CNTNAP5: variants seen among roughly 807,000 people sequenced by gnomAD.
CNTNAP5 encodes the protein contactin associated protein family member 5, also known as contactin-associated protein-like 5.
Under a neutral mutation model 150.2 loss-of-function variants are expected in CNTNAP5, and 72 were observed. The ratio of observed to expected loss-of-function variants is 0.48; its 90% CI spans 0.40 to 0.58. The LOEUF is 0.58. Among genes scored for constraint, CNTNAP5 ranks in the 20% least tolerant of loss-of-function variants. The pLI, the probability that CNTNAP5 is intolerant of heterozygous loss-of-function variation, is 0.00. For missense variants in CNTNAP5, 1,636 were observed against 1,626.2 expected (o/e 1.01, Z -0.10); for synonymous variants, 672 against 619.8 (o/e 1.08, Z -1.25).
At chr2:124,088,969 G>A (rs1488716922) in intron 1 of CNTNAP5, among the ~76,000 whole-genome samples, 1 of 152,130 alleles carries the variant, frequency 6.6e-6, no homozygotes, top group Non-Finnish European at 1.5e-5. Context: ...TTGTTAGATT[G>A]CTATTTCCCT....
In CNTNAP5 at chr2:124,747,403, C is replaced by T; in HGVS notation, c.2234+18C>T. 3 of 1,613,328 alleles carry T rather than the reference C, an allele frequency of 1.9e-6. No homozygotes were observed. Among genetic ancestry groups the T allele is most frequent in the Non-Finnish European group, 2.5e-6 (3 of 1,179,390 alleles). ...GATGAATGGTAATGAGAATCTCCAT[C>T]TTTCTGCAATTGTAGAGAAAGCACA... On this transcript the variant is annotated intron_variant, in intron 14 of 23. Transcript: ENST00000682447.
intron 19 of CNTNAP5, among the ~76,000 whole-genome samples, chr2:124,849,225 G>T (rs961604985): frequency 1.3e-5 from 2 of 152,104 alleles, no homozygotes; most frequent in Non-Finnish European, 2.9e-5. Flanking sequence ...ATTTATTAAA[G>T]AGGTTGTCCT....
At chr2:124,138,925 A>T (rs1684039521) in intron 1 of CNTNAP5, among the ~76,000 whole-genome samples, 1 of 152,044 alleles carries the variant, frequency 6.6e-6, no homozygotes, top group Non-Finnish European at 1.5e-5. Flanking sequence ...CAGCCTTTGC[A>T]TAATAAACGT....
At chr2:124,149,414 A>AAAC (rs1489410894) in intron 1 of CNTNAP5, among the ~76,000 whole-genome samples, 2 of 151,232 alleles carry the variant, frequency 1.3e-5, no homozygotes, top group Non-Finnish European at 2.9e-5. Context: ...AAAAAAAAAA[A>AAAC]AAAAAAAAAA....
intron 13 of CNTNAP5, among the ~76,000 whole-genome samples, chr2:124,718,814 G>A (rs746886688): frequency 2.6e-5 from 4 of 151,984 alleles, no homozygotes; most frequent in South Asian, 2.1e-4. Context: ...ATGTGGTGGC[G>A]CATGCCTGTA....
At chr2:124,450,556 CAAA>C (rs11299541) in intron 6 of CNTNAP5, among the ~76,000 whole-genome samples, 7 of 65,010 alleles carry the variant, frequency 1.1e-4, no homozygotes, top group South Asian at 7.2e-4. Flanking sequence ...AATCTGCTGT[CAAA>C]AAAAAAAAAA....
intron 1 of CNTNAP5, among the ~76,000 whole-genome samples, chr2:124,122,125 T>C (rs1573769288): frequency 6.6e-6 from 1 of 152,110 alleles, no homozygotes; most frequent in Admixed American, 6.5e-5. Flanking sequence ...TGCACAGTGG[T>C]CTTATTTCTT....
At position 124,578,945 on chromosome 2, in the gene CNTNAP5, C is replaced by A. The variant is rs187618560; in HGVS notation, c.1756+15622C>A. On this transcript the variant is annotated intron_variant, in intron 11 of 23. Coordinates refer to ENST00000682447, the MANE Select transcript of CNTNAP5 (RefSeq NM_001367498.1). Reference sequence around the variant, plus strand: ...ATGCCTCTATGAAAGATAGAAGTGACAAGGGAGTCTGTTGTGCACACTCAA... The same window carrying A: ...ATGCCTCTATGAAAGATAGAAGTGAAAAGGGAGTCTGTTGTGCACACTCAA... Among the ~76,000 whole-genome samples the A allele has an allele frequency of 7.2e-4, 109 of 151,976 alleles. 1 individual carries two copies. The South Asian group carries it at 9.8e-3, about 14-fold the overall frequency.
At chr2:124,361,340 C>T (rs530198609) in intron 3 of CNTNAP5, among the ~76,000 whole-genome samples, 3 of 144,802 alleles carry the variant, frequency 2.1e-5, no homozygotes, top group South Asian at 2.2e-4. Flanking sequence ...AGCTTTGTTC[C>T]GTTGCTGGTG....
At chr2:124,257,872 GCTGA>G (rs1170037168) in intron 3 of CNTNAP5, among the ~76,000 whole-genome samples, 1 of 152,044 alleles carries the variant, frequency 6.6e-6, no homozygotes, top group Non-Finnish European at 1.5e-5. Context: ...ATAGTAACTT[GCTGA>G]CTATTTGCCC....
chr2:124,338,024 T>C (rs936402168), intron 3 of CNTNAP5, among the ~76,000 whole-genome samples: 1 of 152,198 alleles, frequency 6.6e-6, no homozygotes, highest in Non-Finnish European at 1.5e-5. Context: ...CATTTGTTTG[T>C]ATCCTCTTTT....
intron 11 of CNTNAP5, among the ~76,000 whole-genome samples, chr2:124,594,264 T>C (rs1696769763): frequency 7.5e-6 from 1 of 134,166 alleles, no homozygotes; most frequent in Non-Finnish European, 1.6e-5. Flanking sequence ...GTTTTTATGG[T>C]TTTAGGTCTA....
chr2:124,520,492 G>T (rs1694825956), intron 8 of CNTNAP5, among the ~76,000 whole-genome samples: 2 of 152,156 alleles, frequency 1.3e-5, no homozygotes. Context: ...ATATAAAATT[G>T]ACTGTTTCCC....
intron 7 of CNTNAP5, among the ~76,000 whole-genome samples, chr2:124,495,618 G>A (rs543878162): frequency 7.2e-5 from 11 of 152,290 alleles, no homozygotes; most frequent in East Asian, 3.9e-4. Context: ...TGTGTCTCTC[G>A]TGGATGTCTC....
chr2:124,701,908 G>C (rs1181134894), intron 13 of CNTNAP5, among the ~76,000 whole-genome samples: 1 of 151,586 alleles, frequency 6.6e-6, no homozygotes, highest in Non-Finnish European at 1.5e-5. Context: ...ACCTAAGGGG[G>C]ATTTTTTGTC....
At chr2:124,364,009 G>A (rs1043650418) in intron 3 of CNTNAP5, among the ~76,000 whole-genome samples, 2 of 152,108 alleles carry the variant, frequency 1.3e-5, no homozygotes, top group Non-Finnish European at 2.9e-5. Context: ...AGAAGCCAGA[G>A]GCATGCTTTT....
intron 19 of CNTNAP5, among the ~76,000 whole-genome samples, chr2:124,851,787 G>A (rs2104704006): frequency 6.6e-6 from 1 of 152,190 alleles, no homozygotes; most frequent in African/African-American, 2.4e-5. Context: ...AAGAGGAGGG[G>A]GAAGGCCCAC....
chr2:124,148,987 T>C (rs1684336069), intron 1 of CNTNAP5, among the ~76,000 whole-genome samples: 1 of 152,152 alleles, frequency 6.6e-6, no homozygotes, highest in African/African-American at 2.4e-5. Context: ...TATGTGCATA[T>C]ATAAGATGAG....
chr2:124,651,480 T>A (rs113639995), intron 13 of CNTNAP5, among the ~76,000 whole-genome samples: 2,998 of 152,240 alleles, frequency 0.02, 46 homozygotes, highest in Middle Eastern at 0.082. Context: ...AGACAACAGA[T>A]CTGCACCATA....
Sources: allele counts gnomAD v4.1 joint callset (sites outside exome capture counted in the v4.1 genomes callset), GRCh38; gene constraint gnomAD v4.1.1; transcripts MANE v1.5; gene names NCBI Gene and HGNC (gene_info 2026-07-23, HGNC 2026-07-21).